JUP: variants seen among roughly 807,000 people sequenced by gnomAD.
JUP encodes catenin (cadherin-associated protein), gamma 80kDa.
JUP carries 28 observed loss-of-function variants against 71.1 expected under a neutral mutation model. The ratio of observed to expected loss-of-function variants is 0.39; its 90% CI spans 0.29 to 0.54. The LOEUF (loss-of-function observed/expected upper bound fraction) is 0.54, where lower values mean the gene tolerates loss of function less well. JUP is among the 20% of genes least tolerant of loss of function. The pLI is 0.62. For missense variants in JUP, 869 were observed against 1,030.1 expected (o/e 0.84, Z 2.14); for synonymous variants, 401 against 438.9 (o/e 0.91, Z 1.08).
chr17:41,779,529 C>A (rs1317630995), intron 1 of JUP, among the ~76,000 whole-genome samples: 1 of 151,906 alleles, frequency 6.6e-6, no homozygotes, highest in Admixed American at 6.6e-5. Flanking sequence ...GGGGTTTCAC[C>A]ATGTTAGCCA....
At position 41,756,212 on chromosome 17, in the gene JUP, G is replaced by A. The variant is rs1555597811; in HGVS notation, c.2049C>T (p.Ala683=). ...GCTCATTGATGGGAATCATGCTCTG[G>A]GCCTGAAAAAGGAGAGAGAAACATG... The part of the protein sequence containing the change: ...FKHDPAAWEA[A]QSMIPINEPY... The change falls in exon 13 of 14, where the codon GCC becomes GCT. Residue 683 remains alanine, a splice_region_variant and synonymous_variant. Coordinates refer to ENST00000393931, the MANE Select transcript of JUP (RefSeq NM_002230.4). 1 of 1,613,882 alleles carries A rather than the reference G, an allele frequency of 6.2e-7. No individual in the cohort carries two copies. The highest frequency in any genetic ancestry group is 8.5e-7 in the Non-Finnish European group (1 of 1,179,886).
chr17:41,771,929 T>A, intron 1 of JUP, 67 bp from the exon 2 acceptor site: 1 of 1,310,136 alleles, frequency 7.6e-7, no homozygotes, highest in Non-Finnish European at 1.1e-6. Context: ...CTTCAGCCCG[T>A]CACCAAGCCC....
chr17:41,769,071 G>C lies in JUP; in HGVS notation c.605C>G (p.Ala202Gly), dbSNP rs782337928. 6.2e-7 allele frequency: 1 copy of C among 1,613,086 alleles called. No individual in the cohort carries two copies. The highest frequency in any genetic ancestry group is 8.5e-7 in the Non-Finnish European group (1 of 1,179,872). ...TMQNTSDLDTARCTTSILHNL... is the reference protein window; with the variant it reads ...TMQNTSDLDTGRCTTSILHNL... ...GTGCAGGATGCTGGTGGTGCAGCGGGCTGTGTCCAGGTCGCTGGTATTCTG... is the reference window on the plus strand; with the variant it reads ...GTGCAGGATGCTGGTGGTGCAGCGGCCTGTGTCCAGGTCGCTGGTATTCTG... Residue 202 changes from alanine (A) to glycine (G), a missense_variant, in exon 4 of 14, where the codon GCC becomes GGC. Physicochemically the swap from Ala to Gly is moderately conservative, Grantham distance 60. Coordinates refer to ENST00000393931, the MANE Select transcript of JUP (RefSeq NM_002230.4).
Position 41,783,295 on chromosome 17 carries a change from T to G in JUP, c.-9+3293A>C, listed in dbSNP as rs1156277615. Among the ~76,000 whole-genome samples, 93 of 3,120 alleles carry G rather than the reference T, an allele frequency of 0.03. No individual in the cohort carries two copies. The East Asian group carries it at 0.5, about 17-fold the overall frequency. The allele number at this position is 3,120 out of a possible 152,430, so 2.0% of individuals were successfully genotyped here. ...CGAATAATGATACGCGTTTTTTTTG[T>G]TTTTTTTTTTTTTTTGAGTCAGGGA... On this transcript the variant is annotated intron_variant, in intron 1 of 13. Coordinates refer to ENST00000393931, the MANE Select transcript of JUP (RefSeq NM_002230.4).
At chr17:41,758,362 T>G in intron 10 of JUP, 37 bp downstream of exon 10, 1 of 1,611,538 alleles carries the variant, frequency 6.2e-7, no homozygotes, top group Non-Finnish European at 8.5e-7. Flanking sequence ...TAAGCAGTGG[T>G]GGGGGGACCT....
intron 1 of JUP, among the ~76,000 whole-genome samples, chr17:41,778,488 GC>G (rs1388166405): frequency 6.8e-6 from 1 of 146,960 alleles, no homozygotes; most frequent in East Asian, 2.1e-4. Context: ...GATCGCTTGA[GC>G]CCAGGAAGAG....
chr17:41,767,495 G>C lies in JUP; in HGVS notation c.793C>G (p.Arg265Gly). Residue 265 changes from arginine (R) to glycine (G), a missense_variant, in exon 5 of 14, where the codon CGC (arginine) becomes GGC (glycine). Arg to Gly is a moderately radical substitution (Grantham distance 125). Transcript: ENST00000393931. ...LYQEGAKMAV[R>G]LADGLQKMVP... ...ATCTTTTGCAGCCCGTCGGCCAGGC[G>C]CACGGCCATCTTGGCGCCCTCCTGG... 1 of 1,613,416 alleles carries C rather than the reference G, an allele frequency of 6.2e-7. No individual in the cohort carries two copies. The highest frequency in any genetic ancestry group is 8.5e-7 in the Non-Finnish European group (1 of 1,179,742).
At position 41,759,415 on chromosome 17, in the gene JUP, C is replaced by T. The variant is rs547865317; in HGVS notation, c.1498-545G>A. Among the ~76,000 whole-genome samples the T allele has an allele frequency of 2.0e-5, 3 of 152,234 alleles. No individual in the cohort carries two copies. In the East Asian group the frequency reaches 5.8e-4, roughly 29 times the overall value. On this transcript the variant is annotated intron_variant, in intron 8 of 13. Transcript: ENST00000393931. ...TAATAGCCCTTGCTAAAATGACACC[C>T]CATTCCAGAACATCCTGCCAGCCCC...
chr17:41,770,961 A>G (rs1916554595), intron 2 of JUP, among the ~76,000 whole-genome samples: 1 of 152,342 alleles, frequency 6.6e-6, no homozygotes, highest in East Asian at 1.9e-4. Flanking sequence ...TCCTGCAGCC[A>G]AAGGGCTGCG....
rs1057521340 is a variant in JUP, at chr17:41,764,987, G to A, written c.990C>T (p.Thr330=). The change falls in exon 6 of 14, where the codon ACC becomes ACT. Residue 330 remains threonine, a synonymous_variant. Transcript: ENST00000393931. ...ATAGCACCTTGAGCACACGACTGGT[G>A]GTCCAGAGCAGCTTTTCATAACTGT... is the stretch of plus-strand genomic sequence containing the variant. The part of the protein sequence containing the change: ...RNYSYEKLLW[T]TSRVLKVLSV... The A allele has an allele frequency of 1.9e-6, 3 of 1,614,028 alleles. No individual in the cohort carries two copies. Among genetic ancestry groups the A allele is most frequent in the Middle Eastern group, 1.6e-4 (1 of 6,084 alleles).
chr17:41,781,074 G>A (rs2047134366), intron 1 of JUP, among the ~76,000 whole-genome samples: 2 of 151,858 alleles, frequency 1.3e-5, no homozygotes, highest in South Asian at 4.2e-4. Flanking sequence ...CCAGCTACTC[G>A]GGAGGCTAAG....
intron 5 of JUP, 117 bp from the exon 6 acceptor site, chr17:41,765,184 G>GT (rs1306980477): frequency 8.8e-6 from 9 of 1,022,934 alleles, no homozygotes; most frequent in South Asian, 4.7e-5. Context: ...CGAATAGTTC[G>GT]TTTTTTTCTT....
chr17:41,770,079 G>A lies in JUP; in HGVS notation c.209-402C>T, dbSNP rs1369909930. Among the ~76,000 whole-genome samples, 12 of 152,210 alleles carry A rather than the reference G, an allele frequency of 7.9e-5. No homozygotes were observed. The East Asian group carries it at 2.3e-3, about 29-fold the overall frequency. The stretch of plus-strand genomic sequence containing the variant: ...GGTTATAAGGCAGCCTGACTCAGGG[G>A]CCCAAACCCCTACTCTATTCTCCTC... On this transcript the variant is annotated intron_variant, in intron 2 of 13. Transcript: ENST00000393931.
chr17:41,758,913 T>A (rs782564909), intron 8 of JUP, 43 bp from the exon 9 acceptor site: 16 of 1,573,252 alleles, frequency 1.0e-5, no homozygotes, highest in Non-Finnish European at 1.4e-5. Flanking sequence ...TTCTTGGACA[T>A]CTGAAGGATC....
intron 1 of JUP, among the ~76,000 whole-genome samples, chr17:41,779,941 G>C (rs2047082343): frequency 6.6e-6 from 1 of 151,954 alleles, no homozygotes. Context: ...CTTCAGAGCG[G>C]TTGGGATTAC....
intron 11 of JUP, 31 bp downstream of exon 11, chr17:41,757,603 G>A (rs781785017): frequency 6.2e-7 from 1 of 1,613,964 alleles, no homozygotes; most frequent in Non-Finnish European, 8.5e-7. Context: ...TGGGGGAGTG[G>A]GACCCAGCCT....
intron 5 of JUP, 143 bp from the exon 6 acceptor site, chr17:41,765,210 CT>C: frequency 1.2e-6 from 1 of 832,664 alleles, no homozygotes; most frequent in Non-Finnish European, 1.8e-6. Flanking sequence ...GTATTTTTTT[CT>C]TTTTATAAAG....
intron 1 of JUP, among the ~76,000 whole-genome samples, chr17:41,773,239 C>A (rs965989407): frequency 6.6e-6 from 1 of 152,170 alleles, no homozygotes; most frequent in Non-Finnish European, 1.5e-5. Context: ...GTGGCTGGGG[C>A]AACCTGGCCC....
At chr17:41,771,989 G>A (rs1297378828) in intron 1 of JUP, 127 bp from the exon 2 acceptor site, 4 of 884,520 alleles carry the variant, frequency 4.5e-6, no homozygotes, top group Non-Finnish European at 5.4e-6. Context: ...CAATGAGGAT[G>A]CAGGCTGGGG....
Sources: allele counts gnomAD v4.1 joint callset (sites outside exome capture counted in the v4.1 genomes callset), GRCh38; gene constraint gnomAD v4.1.1; transcripts MANE v1.5; gene names NCBI Gene and HGNC (gene_info 2026-07-23, HGNC 2026-07-21).